The following GRIK4 variants were observed in gnomAD, a reference collection of about 807,000 sequenced individuals.
The protein encoded by GRIK4 is glutamate receptor ionotropic, kainate 4.
Under a neutral mutation model 104.9 loss-of-function variants are expected in GRIK4, and 40 were observed. The observed-to-expected ratio is 0.38, with a 90% confidence interval of 0.30 to 0.50. The LOEUF (loss-of-function observed/expected upper bound fraction) is 0.50, where lower values mean the gene tolerates loss of function less well. Ranked by LOEUF, GRIK4 falls within the 20% of genes least tolerant of loss-of-function variation. The pLI is 0.93. For synonymous variants in GRIK4, 485 were observed against 524.9 expected, an observed-to-expected ratio of 0.92 and a Z score of 1.04; for missense variants, 1,047 against 1,308.1, an observed-to-expected ratio of 0.80 and a Z score of 3.08.
intron 13 of GRIK4, among the ~76,000 whole-genome samples, chr11:120,923,492 A>G (rs922781289): frequency 7.2e-6 from 1 of 139,608 alleles, no homozygotes; most frequent in Non-Finnish European, 1.5e-5. Flanking sequence ...GGCTCACTGC[A>G]AGCTCCGCCT....
At position 120,555,114 on chromosome 11, in the gene GRIK4, A is replaced by C. The variant is rs1384221344; in HGVS notation, c.-159+43227A>C. Among the ~76,000 whole-genome samples the C allele has an allele frequency of 6.6e-6, 1 of 152,248 alleles. No individual in the cohort carries two copies. The highest frequency in any genetic ancestry group is 1.5e-5 in the Non-Finnish European group (1 of 68,042). Reference sequence around the variant, plus strand: ...AGCCCGAGACCACAGGCTGCTGCCCAGATGTCCTCCAGGCCCTGCACGCGC... The same window carrying C: ...AGCCCGAGACCACAGGCTGCTGCCCCGATGTCCTCCAGGCCCTGCACGCGC... On this transcript the variant is annotated intron_variant, in intron 1 of 20. Coordinates refer to ENST00000527524, the MANE Select transcript of GRIK4 (RefSeq NM_014619.5). This position sits in a 1 kb window ranked among gnomAD's most constrained non-coding sequence, Gnocchi z 5.3.
At chr11:120,921,602 GCTCCTGCCTCCACC>G (rs1943229722) in intron 13 of GRIK4, among the ~76,000 whole-genome samples, 1 of 151,688 alleles carries the variant, frequency 6.6e-6, no homozygotes. Context: ...CCTGCCTCCC[GCTCCTGCCTCCACC>G]CTCCTGGCTC....
chr11:120,631,084 C>T (rs11217931), intron 1 of GRIK4, among the ~76,000 whole-genome samples: 1 of 152,196 alleles, frequency 6.6e-6, no homozygotes, highest in Non-Finnish European at 1.5e-5. Flanking sequence ...GCCTGCCTTT[C>T]GGGGATATTG....
rs145034678 is a variant in GRIK4, at chr11:120,986,433, G to A, written c.*173G>A. On this transcript the variant is annotated 3_prime_UTR_variant, in exon 21 of 21. Coordinates refer to ENST00000527524, the MANE Select transcript of GRIK4 (RefSeq NM_014619.5). The stretch of plus-strand genomic sequence containing the variant: ...GCCTGACGCCCCAGCCAGAGACCGC[G>A]CCCGGTCAGGGAGCAGGGTCCACCC... The A allele has an allele frequency of 0.012, 11,159 of 909,084 alleles. 78 individuals are homozygous for A. The highest frequency in any genetic ancestry group is 0.015 in the Middle Eastern group (42 of 2,850). The allele number at this position is 909,084 out of a possible 1,614,324, so 56.3% of individuals were successfully genotyped here.
chr11:120,541,202 A>G (rs988064113), intron 1 of GRIK4, among the ~76,000 whole-genome samples: 1 of 152,204 alleles, frequency 6.6e-6, no homozygotes, highest in Non-Finnish European at 1.5e-5. Context: ...CTCATCCTCT[A>G]AGACCCAGCT....
chr11:120,645,657 C>T (rs73576394), intron 1 of GRIK4, among the ~76,000 whole-genome samples: 5,584 of 152,276 alleles, frequency 0.037, 134 homozygotes, highest in African/African-American at 0.067. Flanking sequence ...GTGATCTCCC[C>T]GTGCTCTCAG....
intron 12 of GRIK4, among the ~76,000 whole-genome samples, chr11:120,904,322 CTG>C (rs1472932873): frequency 6.6e-6 from 1 of 152,192 alleles, no homozygotes; most frequent in African/African-American, 2.4e-5. Context: ...ACACCACCCT[CTG>C]TTAGTCATCC....
chr11:120,570,559 T>C (rs1948385400), intron 1 of GRIK4, among the ~76,000 whole-genome samples: 1 of 152,116 alleles, frequency 6.6e-6, no homozygotes, highest in South Asian at 2.1e-4. Context: ...GCTCAAGGGA[T>C]CATCACCCCA....
intron 1 of GRIK4, among the ~76,000 whole-genome samples, chr11:120,585,906 G>GA (rs1209881701): frequency 6.6e-6 from 1 of 152,048 alleles, no homozygotes; most frequent in Non-Finnish European, 1.5e-5. Context: ...ATTGGGTCAG[G>GA]GTGCCATTTC....
chr11:120,556,586 C>A (rs1228088058), intron 1 of GRIK4, among the ~76,000 whole-genome samples: 1 of 152,088 alleles, frequency 6.6e-6, no homozygotes, highest in South Asian at 2.1e-4. Flanking sequence ...TTTGGATCAG[C>A]CTGGTTTCCT....
chr11:120,755,659 TAATAAA>T (rs1163902490), intron 3 of GRIK4, among the ~76,000 whole-genome samples: 18 of 150,670 alleles, frequency 1.2e-4, no homozygotes, highest in African/African-American at 3.9e-4. Context: ...ATAATAATAA[TAATAAA>T]AATAATTTAC....
chr11:120,829,135 C>T (rs1953354713), intron 6 of GRIK4, among the ~76,000 whole-genome samples: 2 of 152,144 alleles, frequency 1.3e-5, no homozygotes, highest in Non-Finnish European at 2.9e-5. Flanking sequence ...GTTGCCTTTG[C>T]CACCCCTTGC....
chr11:120,859,120 C>T (rs1393460026), intron 8 of GRIK4: 1 of 152,094 alleles, frequency 6.6e-6, no homozygotes, highest in East Asian at 1.9e-4. Flanking sequence ...TTAACTCATT[C>T]ATTCTTACTC....
Position 120,568,410 on chromosome 11 carries a change from CAG to C in GRIK4, c.-159+56526_-159+56527del, listed in dbSNP as rs771613790. Among the ~76,000 whole-genome samples, 127 of 150,698 alleles carry C rather than the reference CAG, an allele frequency of 8.4e-4. No individual in the cohort carries two copies. The Middle Eastern group carries it at 0.01, about 12-fold the overall frequency. ...TTTTCTTTTCTTTTTTTTTTTGAGACAGAGTCTTGCTCTGTTGCCCAGGCTGG... is the reference window on the plus strand; with the variant it reads ...TTTTCTTTTCTTTTTTTTTTTGAGACAGTCTTGCTCTGTTGCCCAGGCTGG... On this transcript the variant is annotated intron_variant, in intron 1 of 20. Transcript: ENST00000527524.
chr11:120,826,263 C>T (rs1461055951), intron 6 of GRIK4, among the ~76,000 whole-genome samples: 1 of 152,172 alleles, frequency 6.6e-6, no homozygotes, highest in Non-Finnish European at 1.5e-5. Context: ...CTAAAGAAGA[C>T]AGAGAAGTGA....
At chr11:120,693,020 C>T (rs1950391292) in intron 3 of GRIK4, among the ~76,000 whole-genome samples, 1 of 152,048 alleles carries the variant, frequency 6.6e-6, no homozygotes, top group Non-Finnish European at 1.5e-5. Context: ...GCGTGAGCCA[C>T]TGTGCCCAGC....
intron 1 of GRIK4, among the ~76,000 whole-genome samples, chr11:120,534,449 C>G (rs1304634510): frequency 6.6e-6 from 1 of 151,942 alleles, no homozygotes; most frequent in African/African-American, 2.4e-5. Flanking sequence ...TAATGAGCTC[C>G]CCTCGAAAGA....
At chr11:120,632,928 G>A (rs1317912) in intron 1 of GRIK4, among the ~76,000 whole-genome samples, 28,722 of 151,924 alleles carry the variant, frequency 0.19, 5,218 homozygotes, top group African/African-American at 0.48. Context: ...TTCACAGGTC[G>A]TTTCCTTTGG....
chr11:120,738,603 C>G (rs1224866920), intron 3 of GRIK4, among the ~76,000 whole-genome samples: 1 of 152,150 alleles, frequency 6.6e-6, no homozygotes, highest in Non-Finnish European at 1.5e-5. Context: ...GAAGATAGAC[C>G]TGCAGCAGGG....
Sources: allele counts gnomAD v4.1 joint callset (sites outside exome capture counted in the v4.1 genomes callset), GRCh38; gene constraint gnomAD v4.1.1; non-coding constraint Gnocchi (gnomAD v3.1); transcripts MANE v1.5; gene names NCBI Gene and HGNC (gene_info 2026-07-23, HGNC 2026-07-21).